Variants in DTNA observed in about 807,000 individuals in gnomAD.
DTNA encodes dystrophin-related protein 3.
A neutral mutation model predicts 100.7 loss-of-function variants in DTNA; 43 were observed. The observed-to-expected ratio is 0.43, with a 90% CI of 0.33 to 0.55. The LOEUF is 0.55. Ranked by LOEUF, DTNA falls within the 20% of genes least tolerant of loss-of-function variation. DTNA has a pLI of 0.04. For synonymous variants in DTNA, 349 were observed against 347.9 expected, an observed-to-expected ratio of 1.00 and a Z score of -0.04; for missense variants, 798 against 953.9, an observed-to-expected ratio of 0.84 and a Z score of 2.15.
chr18:34,515,151 C>T (rs889520440), intron 1 of DTNA, among the ~76,000 whole-genome samples: 4 of 152,074 alleles, frequency 2.6e-5, no homozygotes, highest in East Asian at 1.9e-4. Context: ...TCTACCCTAA[C>T]GTCAGCTCTG....
chr18:34,687,459 G>C (rs1039766129), intron 1 of DTNA, among the ~76,000 whole-genome samples: 1 of 152,188 alleles, frequency 6.6e-6, no homozygotes, highest in African/African-American at 2.4e-5. Context: ...TTTTGAGTGA[G>C]TTTCTTAATC....
chr18:34,692,765 G>A (rs1417876417), intron 1 of DTNA, among the ~76,000 whole-genome samples: 1 of 152,090 alleles, frequency 6.6e-6, no homozygotes, highest in Admixed American at 6.5e-5. Context: ...TGGAAATGAT[G>A]GTATCTAAAG....
intron 1 of DTNA, among the ~76,000 whole-genome samples, chr18:34,570,143 C>T (rs2047451439): frequency 6.6e-6 from 1 of 152,164 alleles, no homozygotes; most frequent in Non-Finnish European, 1.5e-5. Context: ...CCTGTGTTTA[C>T]TTCTGTCATA....
At chr18:34,862,011 C>T (rs1287371676) in intron 16 of DTNA, among the ~76,000 whole-genome samples, 1 of 151,020 alleles carries the variant, frequency 6.6e-6, no homozygotes, top group East Asian at 1.9e-4. Flanking sequence ...GGCCAAAGGG[C>T]CAAAATTACA....
intron 1 of DTNA, among the ~76,000 whole-genome samples, chr18:34,543,900 AC>A (rs1318447212): frequency 6.6e-6 from 1 of 152,140 alleles, no homozygotes; most frequent in Non-Finnish European, 1.5e-5. Context: ...AGCCTGAGCT[AC>A]AGCAATCAGG....
chr18:34,832,912 A>G (rs1037501593), intron 11 of DTNA, among the ~76,000 whole-genome samples: 2 of 152,168 alleles, frequency 1.3e-5, no homozygotes, highest in Non-Finnish European at 2.9e-5. Context: ...TACACTATAG[A>G]TAGTTACTTA....
chr18:34,808,587 C>T (rs889817946), intron 5 of DTNA, among the ~76,000 whole-genome samples: 2 of 152,172 alleles, frequency 1.3e-5, no homozygotes, highest in Non-Finnish European at 1.5e-5. Context: ...AGGTAAGGGA[C>T]TAGCAATGTC....
At chr18:34,682,561 A>C (rs2078281473) in intron 1 of DTNA, among the ~76,000 whole-genome samples, 1 of 152,132 alleles carries the variant, frequency 6.6e-6, no homozygotes, top group Non-Finnish European at 1.5e-5. Flanking sequence ...GAATTTGGTC[A>C]TTCTAATAGG....
At chr18:34,501,867 C>T (rs2039963762) in intron 1 of DTNA, among the ~76,000 whole-genome samples, 1 of 152,200 alleles carries the variant, frequency 6.6e-6, no homozygotes, top group South Asian at 2.1e-4. Flanking sequence ...CCTGGTGTCT[C>T]TCTGTGTGTC....
chr18:34,790,185 A>G (rs1448329414), intron 3 of DTNA, among the ~76,000 whole-genome samples: 1 of 152,148 alleles, frequency 6.6e-6, no homozygotes, highest in Non-Finnish European at 1.5e-5. Context: ...AGGCAGTGTG[A>G]GGGGCACTAG....
chr18:34,595,627 T>C (rs1442119846), intron 1 of DTNA, among the ~76,000 whole-genome samples: 1 of 152,234 alleles, frequency 6.6e-6, no homozygotes, highest in African/African-American at 2.4e-5. Flanking sequence ...TGGATTTGTT[T>C]CTATTATTAC....
At chr18:34,552,388 TA>T (rs1167642657) in intron 1 of DTNA, among the ~76,000 whole-genome samples, 3 of 151,950 alleles carry the variant, frequency 2.0e-5, no homozygotes, top group African/African-American at 7.3e-5. Flanking sequence ...ATTTTTTTTT[TA>T]AATTATACTT....
chr18:34,806,876 C>T (rs1358044994), intron 5 of DTNA, among the ~76,000 whole-genome samples: 1 of 152,176 alleles, frequency 6.6e-6, no homozygotes, highest in Non-Finnish European at 1.5e-5. Context: ...CATTTTGTCT[C>T]TAAATATGGT....
At chr18:34,546,841 C>T (rs1308167969) in intron 1 of DTNA, among the ~76,000 whole-genome samples, 2 of 151,850 alleles carry the variant, frequency 1.3e-5, no homozygotes, top group Non-Finnish European at 2.9e-5. Context: ...TCCCAAGTAG[C>T]TGAGATTACA....
At chr18:34,503,065 T>C (rs1452942320) in intron 1 of DTNA, among the ~76,000 whole-genome samples, 1 of 152,202 alleles carries the variant, frequency 6.6e-6, no homozygotes, top group East Asian at 1.9e-4. Flanking sequence ...AGAATTGTTA[T>C]GTCTTCTGTT....
chr18:34,818,364 A>C (rs1263654987), intron 8 of DTNA, 34 bp downstream of exon 8: 1 of 1,609,480 alleles, frequency 6.2e-7, no homozygotes, highest in African/African-American at 1.3e-5. Context: ...TTGGAGTTGG[A>C]TGTGTGAGTG....
chr18:34,752,082 TC>T (rs1415870011), intron 1 of DTNA, among the ~76,000 whole-genome samples: 5 of 152,194 alleles, frequency 3.3e-5, no homozygotes, highest in Non-Finnish European at 5.9e-5. Flanking sequence ...TATATAATCT[TC>T]TTGTAAAATC....
intron 1 of DTNA, among the ~76,000 whole-genome samples, chr18:34,660,959 A>G (rs1410022116): frequency 6.6e-6 from 1 of 152,220 alleles, no homozygotes; most frequent in East Asian, 1.9e-4. Context: ...CTCAGGAGAC[A>G]GGGCTGTGTC....
intron 1 of DTNA, among the ~76,000 whole-genome samples, chr18:34,539,662 T>G (rs367746514): frequency 6.7e-4 from 102 of 152,082 alleles, no homozygotes; most frequent in African/African-American, 1.8e-3. Flanking sequence ...ACTTCTAAGT[T>G]ACCAGCAGTT....
Sources: gnomAD v4.1 joint callset for allele counts (sites outside exome capture counted in the v4.1 genomes callset) on GRCh38, gnomAD v4.1.1 for gene constraint, MANE v1.5 for transcripts, NCBI Gene and HGNC (gene_info 2026-07-23, HGNC 2026-07-21) for gene names.